PDZD2: variants seen among roughly 807,000 people sequenced by gnomAD.
The protein encoded by PDZD2 is PDZ domain containing 2.
A neutral mutation model predicts 220.7 loss-of-function variants in PDZD2; 90 were observed. That is an observed-to-expected ratio of 0.41 (90% CI 0.34 to 0.49). PDZD2 has a LOEUF of 0.49. Ranked by LOEUF, PDZD2 falls within the 20% of genes least tolerant of loss-of-function variation. The probability of loss-of-function intolerance (pLI) is 0.28; values close to 1 mark genes in which losing one functional copy is unlikely to be tolerated. For missense variants in PDZD2, 3,174 were observed against 3,608.5 expected (o/e 0.88, Z 3.08); for synonymous variants, 1,375 against 1,450.5 (o/e 0.95, Z 1.18).
At chr5:31,957,280 T>C (rs1175056522) in intron 2 of PDZD2, among the ~76,000 whole-genome samples, 1 of 152,116 alleles carries the variant, frequency 6.6e-6, no homozygotes. Flanking sequence ...ACTTAATGCC[T>C]ATTGGCTCCT....
intron 2 of PDZD2, among the ~76,000 whole-genome samples, chr5:31,868,316 G>A (rs968316447): frequency 3.3e-5 from 5 of 152,134 alleles, no homozygotes; most frequent in African/African-American, 1.2e-4. Flanking sequence ...GTGCTGGCGT[G>A]TGCCTTTAAT....
chr5:31,898,695 C>A (rs1453257518), intron 2 of PDZD2, among the ~76,000 whole-genome samples: 1 of 152,126 alleles, frequency 6.6e-6, no homozygotes, highest in African/African-American at 2.4e-5. Context: ...CCTTTTCCAG[C>A]CAAACCTTTC....
At chr5:31,868,186 C>G (rs982037679) in intron 2 of PDZD2, among the ~76,000 whole-genome samples, 5 of 152,166 alleles carry the variant, frequency 3.3e-5, no homozygotes, top group African/African-American at 1.2e-4. Flanking sequence ...TGGCTCATGC[C>G]TGTAATCCCA....
At chr5:32,033,481 C>G (rs1391990232) in intron 6 of PDZD2, among the ~76,000 whole-genome samples, 1 of 152,160 alleles carries the variant, frequency 6.6e-6, no homozygotes, top group African/African-American at 2.4e-5. Flanking sequence ...ACTGCTAACC[C>G]TTTCAGTGGG....
intron 2 of PDZD2, chr5:31,847,691 C>T: frequency 1.6e-6 from 1 of 606,244 alleles, no homozygotes; most frequent in South Asian, 1.4e-5. Context: ...GGTGCCTTTA[C>T]CTGCTATTTG....
intron 2 of PDZD2, among the ~76,000 whole-genome samples, chr5:31,969,500 C>A (rs1365391094): frequency 5.4e-5 from 3 of 55,862 alleles, no homozygotes; most frequent in Non-Finnish European, 1.1e-4. Context: ...CAGAGCAAGG[C>A]CCCCTCTCCA....
chr5:31,799,713 C>T lies in PDZD2; in HGVS notation c.465C>T (p.Val155=). 1 of 1,610,948 alleles carries T rather than the reference C, an allele frequency of 6.2e-7. No homozygotes were observed. Among genetic ancestry groups the T allele is most frequent in the Non-Finnish European group, 8.5e-7 (1 of 1,177,406 alleles). ...GGCAGCTGATGGTTGGAGTTGATGT[C>T]AGTGGGGCCAGGTAAGTAGGGGGAA... is the stretch of plus-strand genomic sequence containing the variant. The part of the protein sequence containing the change: ...LNGQLMVGVD[V]SGASYLAEQC... The change falls in exon 2 of 25, where the codon GTC becomes GTT. Residue 155 remains valine, a synonymous_variant. Coordinates refer to ENST00000438447, the MANE Select transcript of PDZD2 (RefSeq NM_178140.4).
intron 2 of PDZD2, among the ~76,000 whole-genome samples, chr5:31,918,413 A>G (rs1031468593): frequency 6.6e-6 from 1 of 152,208 alleles, no homozygotes; most frequent in Non-Finnish European, 1.5e-5. Context: ...GGGATTGAAA[A>G]GTGAAGATAG....
intron 2 of PDZD2, 70 bp downstream of exon 2, chr5:31,799,794 T>C: frequency 1.0e-6 from 1 of 993,036 alleles, no homozygotes; most frequent in Admixed American, 1.8e-5. Flanking sequence ...GATCTGCAGC[T>C]GCAGAGGTTT....
intron 1 of PDZD2, among the ~76,000 whole-genome samples, chr5:31,745,068 G>A (rs71593824): frequency 0.059 from 8,698 of 146,334 alleles, 329 homozygotes; most frequent in Non-Finnish European, 0.084. Flanking sequence ...GGGAGACTCC[G>A]TCTCAAAAAA....
At chr5:32,058,362 TA>T (rs775748379) in intron 12 of PDZD2, among the ~76,000 whole-genome samples, 3,485 of 131,788 alleles carry the variant, frequency 0.026, 43 homozygotes, top group Non-Finnish European at 0.033. Context: ...GGCTTGTGTT[TA>T]AAAAAAAAAA....
Position 32,088,524 on chromosome 5 carries a change from T to A in PDZD2, c.5076T>A (p.Cys1692Ter). Residue 1692 changes from cysteine to a stop codon, truncating the protein, a stop_gained, in exon 20 of 25, where the codon TGT (cysteine) becomes TGA (stop). Transcript: ENST00000438447. LOFTEE classifies it high-confidence loss of function. The surrounding 1 kb of genome is among the most constrained non-coding windows in gnomAD (Gnocchi z 4.6). ...CTTCACAGAACCACAGGCCCTCGTGTGCAGAAGAAACCACAGAAGTCACCA... is the reference window on the plus strand; with the variant it reads ...CTTCACAGAACCACAGGCCCTCGTGAGCAGAAGAAACCACAGAAGTCACCA... Reference protein sequence around the residue: ...ISTSQNHRPSCAEETTEVTSA... With the variant: ...ISTSQNHRPS 6.2e-7 allele frequency: 1 copy of A among 1,614,132 alleles called. No individual in the cohort carries two copies. The highest frequency in any genetic ancestry group is 8.5e-7 in the Non-Finnish European group (1 of 1,180,000).
At chr5:32,024,311 C>T (rs1299452749) in intron 6 of PDZD2, among the ~76,000 whole-genome samples, 2 of 152,226 alleles carry the variant, frequency 1.3e-5, no homozygotes, top group Non-Finnish European at 2.9e-5. Context: ...GCAAAAGTTA[C>T]AGCCACAGTG....
At chr5:31,682,788 G>A (rs765242725) in intron 1 of PDZD2, among the ~76,000 whole-genome samples, 34 of 151,340 alleles carry the variant, frequency 2.2e-4, no homozygotes, top group Non-Finnish European at 4.4e-4. Flanking sequence ...GAATTTTTAC[G>A]TAGACCAAGA....
intron 1 of PDZD2, among the ~76,000 whole-genome samples, chr5:31,710,778 T>G (rs1400634125): frequency 6.7e-6 from 1 of 149,288 alleles, no homozygotes; most frequent in Non-Finnish European, 1.5e-5. Flanking sequence ...ATCGCGCCAT[T>G]GCACTCCAGC....
chr5:31,905,762 C>T (rs1742587314), intron 2 of PDZD2, among the ~76,000 whole-genome samples: 1 of 152,160 alleles, frequency 6.6e-6, no homozygotes, highest in Admixed American at 6.5e-5. Context: ...TTTTGAAAGG[C>T]TTGAAACAAC....
chr5:31,821,350 A>T (rs1223229472), intron 2 of PDZD2, among the ~76,000 whole-genome samples: 2 of 150,848 alleles, frequency 1.3e-5, no homozygotes, highest in African/African-American at 4.9e-5. Flanking sequence ...GTAATCATTA[A>T]TTTTTCTCAG....
At chr5:32,096,829 A>ATTTTTTTTTTT (rs71831480) in intron 21 of PDZD2, among the ~76,000 whole-genome samples, 1 of 96,832 alleles carries the variant, frequency 1.0e-5, no homozygotes, top group East Asian at 3.2e-4. Context: ...ATGTACTATG[A>ATTTTTTTTTTT]TTTTTTTTTT....
At chr5:32,010,720 G>T in intron 6 of PDZD2, 1 of 527,930 alleles carries the variant, frequency 1.9e-6, no homozygotes, top group South Asian at 1.5e-5. Flanking sequence ...AGGGGGCTGG[G>T]CACAGTGGCT....
Sources: allele counts gnomAD v4.1 joint callset (sites outside exome capture counted in the v4.1 genomes callset), GRCh38; gene constraint gnomAD v4.1.1; non-coding constraint Gnocchi (gnomAD v3.1); transcripts MANE v1.5; gene names NCBI Gene and HGNC (gene_info 2026-07-23, HGNC 2026-07-21).